The following TIGAR variants were observed in gnomAD, a reference collection of about 807,000 sequenced individuals.
TIGAR encodes TP53 induced glycolysis regulatory phosphatase.
A neutral mutation model predicts 17.9 loss-of-function variants in TIGAR; 7 were observed. That is an observed-to-expected ratio of 0.39 (90% CI 0.22 to 0.73). The LOEUF (loss-of-function observed/expected upper bound fraction) is 0.73. TIGAR is among the 30% of genes least tolerant of loss of function. TIGAR has a pLI of 0.42. For missense variants in TIGAR, 258 were observed against 327.4 expected (o/e 0.79, Z 1.64); for synonymous variants, 94 against 108.6 (o/e 0.87, Z 0.84).
intron 4 of TIGAR, among the ~76,000 whole-genome samples, chr12:4,350,931 G>A (rs1364771394): frequency 6.6e-6 from 1 of 152,186 alleles, no homozygotes; most frequent in Non-Finnish European, 1.5e-5. Context: ...GGAGATGGCT[G>A]AATTGGTACC....
intron 3 of TIGAR, among the ~76,000 whole-genome samples, chr12:4,347,895 G>T (rs1014072866): frequency 3.3e-5 from 5 of 152,160 alleles, no homozygotes; most frequent in African/African-American, 1.2e-4. Context: ...CAGCACTTTG[G>T]GAGGCCGAAG....
At chr12:4,323,018 C>T (rs983779255) in intron 1 of TIGAR, among the ~76,000 whole-genome samples, 1 of 151,342 alleles carries the variant, frequency 6.6e-6, no homozygotes, top group African/African-American at 2.4e-5. Context: ...GTAATCCTAG[C>T]ACGTTGGGGG....
At chr12:4,331,422 T>G in intron 2 of TIGAR, 105 bp downstream of exon 2, 1 of 1,021,710 alleles carries the variant, frequency 9.8e-7, no homozygotes, top group Non-Finnish European at 1.5e-6. Context: ...AGCACTCCAT[T>G]GTGAATTGGG....
rs1252909872 is a variant in TIGAR at position 4,337,070 on chromosome 12, T to G, written c.102T>G (p.Thr34=). 9.9e-6 allele frequency: 16 copies of G among 1,612,732 alleles called. No individual in the cohort carries two copies. The highest frequency in any genetic ancestry group is 1.4e-5 in the Non-Finnish European group (16 of 1,178,894). The change falls in exon 3 of 6, where the codon ACT becomes ACG. Residue 34 remains threonine, a synonymous_variant. Coordinates refer to ENST00000179259, the MANE Select transcript of TIGAR (RefSeq NM_020375.3). ...GAGTAGATGAACCTCTTTCAGAAACTGGATTTAAACAAGCAGCAGCTGCTG... is the reference window on the plus strand; with the variant it reads ...GAGTAGATGAACCTCTTTCAGAAACGGGATTTAAACAAGCAGCAGCTGCTG... ...GQGVDEPLSE[T]GFKQAAAAGI... is the part of the protein sequence containing the mutation.
intron 3 of TIGAR, among the ~76,000 whole-genome samples, chr12:4,342,738 A>G (rs1459394893): frequency 6.6e-6 from 1 of 152,234 alleles, no homozygotes; most frequent in Non-Finnish European, 1.5e-5. Context: ...TGAAGGAAGC[A>G]CTAAACATGG....
chr12:4,355,372 CTG>C lies in TIGAR; in HGVS notation c.*2685_*2686del, dbSNP rs1223812318. On this transcript the variant is annotated 3_prime_UTR_variant, in exon 6 of 6. Coordinates refer to ENST00000179259, the MANE Select transcript of TIGAR (RefSeq NM_020375.3). ...AGAGTCTGTGGACTCTTTTAGTTAT[CTG>C]TGTATTTCCTTATCAGTGTCATACT... Among the ~76,000 whole-genome samples the C allele has an allele frequency of 2.6e-5, 4 of 152,104 alleles. No homozygotes were observed. Among genetic ancestry groups the C allele is most frequent in the Non-Finnish European group, 4.4e-5 (3 of 68,016 alleles).
rs1864924027 is a variant in TIGAR at position 4,357,898 on chromosome 12, T to C, written c.*5207T>C. On this transcript the variant is annotated 3_prime_UTR_variant, in exon 6 of 6. Coordinates refer to ENST00000179259, the MANE Select transcript of TIGAR (RefSeq NM_020375.3). ...GCGGGCAGATCACGAGGTCAGGAGA[T>C]AGAGACCATCCTGGCTAACACAGTG... is the stretch of plus-strand genomic sequence containing the variant. Among the ~76,000 whole-genome samples the C allele has an allele frequency of 6.8e-6, 1 of 146,664 alleles. No individual in the cohort carries two copies. The highest frequency in any genetic ancestry group is 1.5e-5 in the Non-Finnish European group (1 of 66,712).
rs191349720 is a variant in TIGAR, at chr12:4,344,129, G to A, written c.193-5690G>A. Among the ~76,000 whole-genome samples the A allele has an allele frequency of 2.3e-3, 343 of 152,230 alleles. 1 individual carries two copies. The highest frequency in any genetic ancestry group is 8.0e-3 in the African/African-American group (333 of 41,532). On this transcript the variant is annotated intron_variant, in intron 3 of 5. Transcript: ENST00000179259. The stretch of plus-strand genomic sequence containing the variant: ...CACAAATAAACTAGAAAGTCTAGAA[G>A]AAATGGATAAATTCCTCGACACCTA...
intron 2 of TIGAR, among the ~76,000 whole-genome samples, chr12:4,336,446 G>GCGCACACACA (rs1491292159): frequency 1.1e-4 from 15 of 138,568 alleles, no homozygotes; most frequent in African/African-American, 3.5e-4. Flanking sequence ...CAGCAATGCA[G>GCGCACACACA]CACACACACA....
intron 1 of TIGAR, among the ~76,000 whole-genome samples, chr12:4,325,603 G>A (rs779735059): frequency 6.6e-6 from 1 of 151,868 alleles, no homozygotes; most frequent in Non-Finnish European, 1.5e-5. Flanking sequence ...TTAGCTGGGC[G>A]TAGTGGCACT....
intron 3 of TIGAR, among the ~76,000 whole-genome samples, chr12:4,337,999 C>T (rs1374201336): frequency 1.3e-5 from 2 of 151,982 alleles, no homozygotes; most frequent in African/African-American, 2.4e-5. Flanking sequence ...GGTGTGGTGG[C>T]GTGCACCTTA....
rs555120036 is a variant in TIGAR at position 4,350,738 on chromosome 12, C to T, written c.271-529C>T. 1.0e-4 allele frequency among the ~76,000 whole-genome samples: 15 copies of T among 149,152 alleles called. No homozygotes were observed. The South Asian group carries it at 1.1e-3, about 10-fold the overall frequency. ...GTTGCAGTGAGCTGAGATCGCGCCA[C>T]GGCACCCCAGCCTGGGTGACAGAGC... is the stretch of plus-strand genomic sequence containing the variant. On this transcript the variant is annotated intron_variant, in intron 4 of 5. Coordinates refer to ENST00000179259, the MANE Select transcript of TIGAR (RefSeq NM_020375.3).
At position 4,340,904 on chromosome 12, in the gene TIGAR, A is replaced by G. The variant is rs184134659; in HGVS notation, c.192+3744A>G. ...AAATATCAAATAAAATGGATTGAAGACTTAAATCTAAGACCTCAAACTATG... is the reference window on the plus strand; with the variant it reads ...AAATATCAAATAAAATGGATTGAAGGCTTAAATCTAAGACCTCAAACTATG... On this transcript the variant is annotated intron_variant, in intron 3 of 5. Coordinates refer to ENST00000179259, the MANE Select transcript of TIGAR (RefSeq NM_020375.3). 8.8e-4 allele frequency among the ~76,000 whole-genome samples: 134 copies of G among 152,370 alleles called. 1 individual carries two copies. The highest frequency in any genetic ancestry group is 3.1e-3 in the African/African-American group (130 of 41,588).
rs187119957 is a variant in TIGAR, at chr12:4,322,171, A to G, written c.32+868A>G. Among the ~76,000 whole-genome samples the G allele has an allele frequency of 2.7e-3, 413 of 152,016 alleles. 2 individuals are homozygous for G. Among genetic ancestry groups the G allele is most frequent in the African/African-American group, 9.6e-3 (397 of 41,484 alleles). ...GCCACCACGCCCGGCTAATTTTTGT[A>G]TTTTTAGTAGAGACAGGGTTTCGCC... is the stretch of plus-strand genomic sequence containing the variant. On this transcript the variant is annotated intron_variant, in intron 1 of 5. Transcript: ENST00000179259.
intron 3 of TIGAR, among the ~76,000 whole-genome samples, chr12:4,347,120 A>G (rs1362976858): frequency 1.3e-5 from 2 of 152,260 alleles, no homozygotes; most frequent in Non-Finnish European, 2.9e-5. Context: ...AGCACTTTTT[A>G]CAGTAGCCAA....
At position 4,321,483 on chromosome 12, in the gene TIGAR, C is replaced by G. The variant is rs1446002816; in HGVS notation, c.32+180C>G. Among the ~76,000 whole-genome samples the G allele has an allele frequency of 6.6e-6, 1 of 152,202 alleles. No individual in the cohort carries two copies. Among genetic ancestry groups the G allele is most frequent in the Non-Finnish European group, 1.5e-5 (1 of 68,038 alleles). On this transcript the variant is annotated intron_variant, in intron 1 of 5. Coordinates refer to ENST00000179259, the MANE Select transcript of TIGAR (RefSeq NM_020375.3). This position sits in a 1 kb window ranked among gnomAD's most constrained non-coding sequence, Gnocchi z 5.2. ...GGGGCCGTCCCGTGTCGCCCCTCCT[C>G]TCACCCCAGCAGCCCCGAGGGACGA... is the stretch of plus-strand genomic sequence containing the variant.
chr12:4,347,683 A>G (rs1335407750), intron 3 of TIGAR, among the ~76,000 whole-genome samples: 1 of 152,176 alleles, frequency 6.6e-6, no homozygotes, highest in Non-Finnish European at 1.5e-5. Context: ...CATTTACTGT[A>G]TACCCACAAA....
At position 4,321,268 on chromosome 12, in the gene TIGAR, G is replaced by A. The variant is rs1864473211; in HGVS notation, c.-4G>A. On this transcript the variant is annotated 5_prime_UTR_variant, in exon 1 of 6. Coordinates refer to ENST00000179259, the MANE Select transcript of TIGAR (RefSeq NM_020375.3). The surrounding 1 kb of genome is among the most constrained non-coding windows in gnomAD (Gnocchi z 5.2). ...GGCCACCGACGGGACGCGGCTCCGG[G>A]AACATGGCTCGCTTCGCTCTGACTG... 1.2e-6 allele frequency: 2 copies of A among 1,601,078 alleles called. No homozygotes were observed. The highest frequency in any genetic ancestry group is 1.3e-5 in the African/African-American group (1 of 74,946).
intron 1 of TIGAR, chr12:4,324,786 C>A: frequency 3.1e-6 from 2 of 646,392 alleles, no homozygotes; most frequent in South Asian, 1.7e-5. Flanking sequence ...GCGGAAGGTC[C>A]GCTTCTTCTG....
Sources: allele counts gnomAD v4.1 joint callset (sites outside exome capture counted in the v4.1 genomes callset), GRCh38; gene constraint gnomAD v4.1.1; non-coding constraint Gnocchi (gnomAD v3.1); transcripts MANE v1.5; gene names NCBI Gene and HGNC (gene_info 2026-07-23, HGNC 2026-07-21).